The following PHYHIPL variants were observed in gnomAD, a reference collection of about 807,000 sequenced individuals.
The protein encoded by PHYHIPL is phytanoyl-CoA hydroxylase-interacting protein-like.
A neutral mutation model predicts 33.4 loss-of-function variants in PHYHIPL; 9 were observed. The ratio of observed to expected loss-of-function variants is 0.27; its 90% CI spans 0.16 to 0.47. The LOEUF (loss-of-function observed/expected upper bound fraction) is 0.47. Ranked by LOEUF, PHYHIPL falls within the 20% of genes least tolerant of loss-of-function variation. The pLI is 0.99. For missense variants in PHYHIPL, 365 were observed against 460.7 expected, an observed-to-expected ratio of 0.79 and a Z score of 1.90; for synonymous variants, 153 against 154.1, an observed-to-expected ratio of 0.99 and a Z score of 0.05.
chr10:59,197,502 T>C (rs931112758), intron 1 of PHYHIPL, among the ~76,000 whole-genome samples: 1 of 151,970 alleles, frequency 6.6e-6, no homozygotes. Flanking sequence ...AAGCTCTACT[T>C]TTTTTTTCCT....
chr10:59,208,764 G>C (rs1296141114), intron 1 of PHYHIPL, among the ~76,000 whole-genome samples: 1 of 151,916 alleles, frequency 6.6e-6, no homozygotes, highest in Non-Finnish European at 1.5e-5. Flanking sequence ...CACAGCACAA[G>C]AACTTTGTGA....
intron 1 of PHYHIPL, among the ~76,000 whole-genome samples, chr10:59,232,899 T>C (rs547515205): frequency 6.6e-6 from 1 of 152,066 alleles, no homozygotes; most frequent in South Asian, 2.1e-4. Flanking sequence ...GCCTTTCCTT[T>C]TCCCAAGGCC....
At chr10:59,179,274 T>A (rs1309164716) in intron 1 of PHYHIPL, among the ~76,000 whole-genome samples, 1 of 152,118 alleles carries the variant, frequency 6.6e-6, no homozygotes, top group African/African-American at 2.4e-5. Context: ...TTTTACTCCC[T>A]TTGCTTCCCT....
chr10:59,185,671 A>C (rs1237129389), intron 1 of PHYHIPL, among the ~76,000 whole-genome samples: 1 of 152,152 alleles, frequency 6.6e-6, no homozygotes, highest in Non-Finnish European at 1.5e-5. Context: ...CTGGTGTGAG[A>C]TGGTATCTCA....
At chr10:59,205,524 A>G (rs965546345) in intron 1 of PHYHIPL, among the ~76,000 whole-genome samples, 4 of 152,164 alleles carry the variant, frequency 2.6e-5, no homozygotes, top group Non-Finnish European at 5.9e-5. Context: ...CATATTTGTG[A>G]GTATTTTTCT....
intron 3 of PHYHIPL, 54 bp downstream of exon 3, chr10:59,236,711 A>C: frequency 7.2e-7 from 1 of 1,398,492 alleles, no homozygotes. Context: ...GGGAAAGCTA[A>C]TTATAGAAAA....
At chr10:59,189,848 T>C (rs1589261512) in intron 1 of PHYHIPL, among the ~76,000 whole-genome samples, 1 of 151,922 alleles carries the variant, frequency 6.6e-6, no homozygotes, top group Non-Finnish European at 1.5e-5. Flanking sequence ...CTGGCTGAGA[T>C]AAGAGAATAA....
At chr10:59,213,788 A>G (rs1005983903) in intron 1 of PHYHIPL, among the ~76,000 whole-genome samples, 3 of 152,222 alleles carry the variant, frequency 2.0e-5, no homozygotes, top group African/African-American at 7.2e-5. Flanking sequence ...CCACTACAAC[A>G]TATCAGAAAG....
chr10:59,232,541 AGATAAC>A (rs1840108673), intron 1 of PHYHIPL, among the ~76,000 whole-genome samples: 1 of 152,022 alleles, frequency 6.6e-6, no homozygotes, highest in Non-Finnish European at 1.5e-5. Context: ...AGGTTGAAGA[AGATAAC>A]GATAGTGGAA....
intron 1 of PHYHIPL, among the ~76,000 whole-genome samples, chr10:59,228,309 G>A (rs1839984957): frequency 6.6e-6 from 1 of 152,110 alleles, no homozygotes; most frequent in Non-Finnish European, 1.5e-5. Context: ...AAAACAATAT[G>A]TAAATGTTAT....
At chr10:59,204,699 C>T (rs1839236163) in intron 1 of PHYHIPL, among the ~76,000 whole-genome samples, 1 of 151,954 alleles carries the variant, frequency 6.6e-6, no homozygotes, top group East Asian at 1.9e-4. Flanking sequence ...TTACTTATTG[C>T]CAACATTGGT....
At chr10:59,226,618 AGAGGTACCT>A (rs1399630965) in intron 1 of PHYHIPL, among the ~76,000 whole-genome samples, 1 of 152,124 alleles carries the variant, frequency 6.6e-6, no homozygotes, top group African/African-American at 2.4e-5. Flanking sequence ...CCTATAGGGA[AGAGGTACCT>A]GGGCTAGGGA....
intron 1 of PHYHIPL, chr10:59,219,328 G>T: frequency 1.5e-6 from 1 of 647,832 alleles, no homozygotes; most frequent in Non-Finnish European, 1.9e-6. Context: ...TATATTCTGT[G>T]ATATGGTATA....
chr10:59,177,141 G>A (rs1008723978), intron 1 of PHYHIPL, 182 bp downstream of exon 1: 2 of 616,792 alleles, frequency 3.2e-6, no homozygotes, highest in African/African-American at 3.8e-5. Context: ...GAAACAAAAG[G>A]ACCCCGGGGC....
Position 59,245,474 on chromosome 10 carries a change from G to A in PHYHIPL, c.1014G>A (p.Val338=), listed in dbSNP as rs767791480. The change falls in exon 5 of 5, where the codon GTG becomes GTA. Residue 338 remains valine, a synonymous_variant. Coordinates refer to ENST00000373880, the MANE Select transcript of PHYHIPL (RefSeq NM_032439.4). ...TAGAAGTCATTTACACTGACCCTGT[G>A]GATCTTTCTGTGGGCACCGTGGCAG... ...VILEVIYTDP[V]DLSVGTVAEI... The A allele has an allele frequency of 6.2e-6, 10 of 1,614,010 alleles. No homozygotes were observed. In the South Asian group the frequency reaches 1.1e-4, roughly 18 times the overall value.
Position 59,227,975 on chromosome 10 carries a change from G to GAGATATATATATATATAT in PHYHIPL, c.107-6328_107-6327insGATATATATATATATATA, listed in dbSNP as rs10530291. On this transcript the variant is annotated intron_variant, in intron 1 of 4. Transcript: ENST00000373880. ...TAAGATTTTAATTTTTGCCTATTGAGATATATATATATGTTTTAAATAACA... is the reference window on the plus strand; with the variant it reads ...TAAGATTTTAATTTTTGCCTATTGAGAGATATATATATATATATATATATATATATGTTTTAAATAACA... Among the ~76,000 whole-genome samples, 40 of 145,564 alleles carry GAGATATATATATATATAT rather than the reference G, an allele frequency of 2.7e-4. No homozygotes were observed. In the East Asian group the frequency reaches 5.3e-3, roughly 19 times the overall value.
At chr10:59,210,609 A>G (rs1295956398) in intron 1 of PHYHIPL, among the ~76,000 whole-genome samples, 1 of 152,234 alleles carries the variant, frequency 6.6e-6, no homozygotes, top group Non-Finnish European at 1.5e-5. Flanking sequence ...TCATTCTACT[A>G]TAAATACATG....
rs1377396091 is a variant in PHYHIPL at position 59,244,996 on chromosome 10, A to T, written c.597-61A>T. 4.0e-6 allele frequency: 6 copies of T among 1,517,562 alleles called. No homozygotes were observed. The South Asian group carries it at 6.7e-5, about 17-fold the overall frequency. 94.0% of individuals were successfully genotyped at this position (1,517,562 alleles called of 1,614,324 possible). ...TGTTTGACTTTTAGGCCATTCAAAT[A>T]TATAAATCAGTGGGTTTACCACTAT... On this transcript the variant is annotated intron_variant, in intron 4 of 4. Coordinates refer to ENST00000373880, the MANE Select transcript of PHYHIPL (RefSeq NM_032439.4).
chr10:59,244,485 A>T (rs989747280), intron 4 of PHYHIPL, among the ~76,000 whole-genome samples: 4 of 137,744 alleles, frequency 2.9e-5, no homozygotes, highest in South Asian at 2.5e-4. Flanking sequence ...AATTGCTTGA[A>T]CCTGGGAGGC....
Sources: gnomAD v4.1 joint callset for allele counts (sites outside exome capture counted in the v4.1 genomes callset) on GRCh38, gnomAD v4.1.1 for gene constraint, MANE v1.5 for transcripts, NCBI Gene and HGNC (gene_info 2026-07-23, HGNC 2026-07-21) for gene names.